The following OR51B5 variants were observed in gnomAD, a reference collection of about 807,000 sequenced individuals.
OR51B5 encodes the protein olfactory receptor family 51 subfamily B member 5, also known as olfactory receptor 51B5.
For missense variants in OR51B5, 456 were observed against 374.6 expected, an observed-to-expected ratio of 1.22 and a Z score of -1.79; for synonymous variants, 186 against 144.8, an observed-to-expected ratio of 1.28 and a Z score of -2.04.
At chr11:5,490,008 G>T (rs1851559348) in intron 1 of OR51B5, among the ~76,000 whole-genome samples, 1 of 152,170 alleles carries the variant, frequency 6.6e-6, no homozygotes, top group African/African-American at 2.4e-5. Flanking sequence ...GAAAAACAAA[G>T]AAAAGGTTTG....
intron 1 of OR51B5, among the ~76,000 whole-genome samples, chr11:5,381,562 G>A (rs550996425): frequency 1.3e-5 from 2 of 152,304 alleles, no homozygotes; most frequent in African/African-American, 4.8e-5. Flanking sequence ...TTTACTCAAT[G>A]TGAGCTTCAT....
At chr11:5,492,361 T>A (rs998579506) in intron 1 of OR51B5, among the ~76,000 whole-genome samples, 1 of 152,194 alleles carries the variant, frequency 6.6e-6, no homozygotes, top group East Asian at 1.9e-4. Context: ...TCTCACTCCA[T>A]GTTATTTGAC....
At chr11:5,465,578 C>T (rs1458496968) in intron 1 of OR51B5, among the ~76,000 whole-genome samples, 1 of 148,366 alleles carries the variant, frequency 6.7e-6, no homozygotes, top group African/African-American at 2.5e-5. Flanking sequence ...CTACAGTAAC[C>T]AAAACAGCAT....
At chr11:5,351,938 T>G in intron 1 of OR51B5, 1 of 1,613,138 alleles carries the variant, frequency 6.2e-7, no homozygotes, top group Non-Finnish European at 8.5e-7. Flanking sequence ...AAGATTGGTG[T>G]GCGGGTATTG....
chr11:5,405,721 G>C (rs1271363360), intron 1 of OR51B5, among the ~76,000 whole-genome samples: 1 of 152,168 alleles, frequency 6.6e-6, no homozygotes, highest in African/African-American at 2.4e-5. Flanking sequence ...GTCAATAATT[G>C]ACAAAGAGTG....
intron 1 of OR51B5, among the ~76,000 whole-genome samples, chr11:5,477,754 C>T (rs1434169126): frequency 2.6e-5 from 4 of 152,100 alleles, no homozygotes; most frequent in South Asian, 2.1e-4. Context: ...GGGTGACGGA[C>T]GCACCTGGAA....
chr11:5,463,776 T>A (rs79300660), intron 1 of OR51B5, among the ~76,000 whole-genome samples: 1,710 of 152,342 alleles, frequency 0.011, 31 homozygotes, highest in African/African-American at 0.039. Flanking sequence ...TCATTAGGTT[T>A]TATGGGAGAA....
chr11:5,342,577 G>C, downstream of OR51B5: 1 of 1,562,662 alleles, frequency 6.4e-7, no homozygotes, highest in South Asian at 1.2e-5. Flanking sequence ...TGACTGTGAT[G>C]ATTGGAGATC....
chr11:5,460,775 T>C (rs992136984), intron 1 of OR51B5, among the ~76,000 whole-genome samples: 1 of 152,212 alleles, frequency 6.6e-6, no homozygotes, highest in Non-Finnish European at 1.5e-5. Context: ...TTTGATGCCT[T>C]TGATGATTTA....
At chr11:5,346,062 A>G (rs1267234010), upstream of OR51B5, among the ~76,000 whole-genome samples, 1 of 152,178 alleles carries the variant, frequency 6.6e-6, no homozygotes, top group Non-Finnish European at 1.5e-5. Flanking sequence ...CGTTTCAGCA[A>G]TAATCTCCTT....
intron 1 of OR51B5, among the ~76,000 whole-genome samples, chr11:5,348,815 A>T (rs1340644031): frequency 6.6e-6 from 1 of 152,124 alleles, no homozygotes; most frequent in Non-Finnish European, 1.5e-5. Context: ...AATACTTTGC[A>T]TCCTTCAATC....
chr11:5,484,362 C>A (rs530089349), intron 1 of OR51B5, among the ~76,000 whole-genome samples: 4 of 152,194 alleles, frequency 2.6e-5, no homozygotes, highest in African/African-American at 9.7e-5. Context: ...CTGGTCCACA[C>A]ATCCTTAGAT....
intron 1 of OR51B5, among the ~76,000 whole-genome samples, chr11:5,364,121 T>C (rs944003576): frequency 1.3e-5 from 2 of 152,178 alleles, no homozygotes; most frequent in African/African-American, 2.4e-5. Context: ...GGAAGAGGTA[T>C]CTCAACACTA....
intron 1 of OR51B5, among the ~76,000 whole-genome samples, chr11:5,401,907 TTCTCTC>T (rs35158872): frequency 2.0e-5 from 3 of 149,632 alleles, no homozygotes; most frequent in Admixed American, 6.6e-5. Context: ...TTCCTTTTCT[TTCTCTC>T]TCTCTCTTCT....
intron 1 of OR51B5, among the ~76,000 whole-genome samples, chr11:5,504,623 C>T (rs539363375): frequency 2.6e-5 from 4 of 152,116 alleles, no homozygotes; most frequent in South Asian, 2.1e-4. Flanking sequence ...CTTTATTTTC[C>T]CAAGCACAAG....
chr11:5,461,212 C>T (rs776429612), intron 1 of OR51B5, among the ~76,000 whole-genome samples: 4 of 152,120 alleles, frequency 2.6e-5, no homozygotes, highest in Admixed American at 1.3e-4. Context: ...GTGCACTGCT[C>T]GGGCGATGGT....
In OR51B5 at chr11:5,440,373, T is replaced by C. The variant is rs542931328; in HGVS notation, n.84+65196A>G. On this transcript the variant is annotated intron_variant and non_coding_transcript_variant, in intron 1 of 4. Transcript: ENST00000415970. ...ATACTCACCATTATAACATGCCTAG[T>C]AGCAACTAGCACAATAATTTTCACA... 3.0e-3 allele frequency among the ~76,000 whole-genome samples: 453 copies of C among 152,340 alleles called. 15 individuals carry two copies. Among genetic ancestry groups the C allele is most frequent in the Admixed American group, 0.028 (434 of 15,296 alleles).
chr11:5,410,076 A>C (rs1324878953), intron 1 of OR51B5, among the ~76,000 whole-genome samples: 2 of 152,184 alleles, frequency 1.3e-5, no homozygotes, highest in African/African-American at 4.8e-5. Flanking sequence ...TTTTCAGATA[A>C]GCAAATACTG....
chr11:5,454,255 T>C, intron 1 of OR51B5: 3 of 1,614,238 alleles, frequency 1.9e-6, no homozygotes, highest in Non-Finnish European at 2.5e-6. Context: ...GTGCCAATGA[T>C]TGGGGTCTCC....
Sources: allele counts gnomAD v4.1 joint callset (sites outside exome capture counted in the v4.1 genomes callset), GRCh38; gene constraint gnomAD v4.1.1; transcripts MANE v1.5; gene names NCBI Gene and HGNC (gene_info 2026-07-23, HGNC 2026-07-21).